OXSM: variants seen among roughly 807,000 people sequenced by gnomAD.
OXSM encodes 3-oxoacyl-[acyl-carrier-protein] synthase, mitochondrial.
OXSM carries 19 observed loss-of-function variants against 29.2 expected under a neutral mutation model. That is an observed-to-expected ratio of 0.65 (90% CI 0.45 to 0.96). OXSM has a LOEUF of 0.96. Ranked by LOEUF, OXSM falls within the 40% of genes least tolerant of loss-of-function variation. OXSM has a pLI of 0.00. For synonymous variants in OXSM, 178 were observed against 197.1 expected (o/e 0.90, Z 0.81); for missense variants, 554 against 551.3 (o/e 1.00, Z -0.05).
rs972103445 is a variant in OXSM, at chr3:25,794,494, G to A, written c.1380G>A (p.Ter460=). Residue 460 remains the stop codon, a stop_retained_variant, in exon 3 of 3, where the codon TAG becomes TAA. Transcript: ENST00000280701. ...TNATLCIAGL[*] ...CAACACTTTGTATTGCTGGACTGTA[G>A]AACATATAATTTGTAATTAAATACT... is the stretch of plus-strand genomic sequence containing the variant. 3 of 1,573,166 alleles carry A rather than the reference G, an allele frequency of 1.9e-6. No individual in the cohort carries two copies. Among genetic ancestry groups the A allele is most frequent in the Non-Finnish European group, 2.6e-6 (3 of 1,158,692 alleles).
chr3:25,791,232 G>A lies in OXSM; in HGVS notation c.212G>A (p.Ser71Asn). ...TGGGATCGTCTTATCGGAGGAGAGAGTGGAATTGTTTCACTGGTTGGTGAA... is the reference window on the plus strand; with the variant it reads ...TGGGATCGTCTTATCGGAGGAGAGAATGGAATTGTTTCACTGGTTGGTGAA... ...LVWDRLIGGE[S>N]GIVSLVGEEY... is the part of the protein sequence containing the mutation. Residue 71 changes from serine (S) to asparagine (N), a missense_variant, in exon 2 of 3, where the codon AGT (serine) becomes AAT (asparagine). Physicochemically the swap from Ser to Asn is conservative, Grantham distance 46 (BLOSUM62 1). Transcript: ENST00000280701. The A allele has an allele frequency of 6.2e-7, 1 of 1,614,228 alleles. No individual in the cohort carries two copies. The highest frequency in any genetic ancestry group is 1.1e-5 in the South Asian group (1 of 91,084).
chr3:25,794,465 A>G lies in OXSM; in HGVS notation c.1351A>G (p.Asn451Asp). Residue 451 changes from asparagine (N) to aspartate (D), a missense_variant, in exon 3 of 3, where the codon AAT becomes GAT. Physicochemically the swap from Asn to Asp is conservative, Grantham distance 23. Transcript: ENST00000280701. Reference sequence around the variant, plus strand: ...CAATTCCTTTGGTTTTGGTGGTACTAATGCAACACTTTGTATTGCTGGACT... The same window carrying G: ...CAATTCCTTTGGTTTTGGTGGTACTGATGCAACACTTTGTATTGCTGGACT... ...LTNSFGFGGT[N>D]ATLCIAGL The G allele has an allele frequency of 6.2e-7, 1 of 1,612,044 alleles. No homozygotes were observed. The highest frequency in any genetic ancestry group is 1.1e-5 in the South Asian group (1 of 90,852).
chr3:25,793,395 A>T (rs531996596), intron 2 of OXSM, among the ~76,000 whole-genome samples: 1 of 152,294 alleles, frequency 6.6e-6, no homozygotes, highest in Admixed American at 6.5e-5. Flanking sequence ...CTTTCAGCAT[A>T]CTTCAAATTA....
chr3:25,790,879 T>G, intron 1 of OXSM, 111 bp from the exon 2 acceptor site: 1 of 695,280 alleles, frequency 1.4e-6, no homozygotes. Context: ...ATTTTCCCTG[T>G]GTTCATTAGC....
In OXSM at chr3:25,791,393, GC is replaced by G; in HGVS notation, c.374del (p.Ala125ValfsTer4). 1.2e-6 allele frequency: 2 copies of G among 1,614,196 alleles called. No homozygotes were observed. Among genetic ancestry groups the G allele is most frequent in the East Asian group, 4.5e-5 (2 of 44,884 alleles). On this transcript the variant is annotated frameshift_variant, in exon 2 of 3. Coordinates refer to ENST00000280701, the MANE Select transcript of OXSM (RefSeq NM_017897.3). LOFTEE classifies it high-confidence loss of function. ...MSSPTIMAIG[A>X]AELAMKDSGW... is the part of the protein sequence containing the mutation. ...TTCTCCCACCATCATGGCCATTGGG[GC>G]TGCAGAATTAGCCATGAAGGATTCT...
chr3:25,790,726 C>T, intron 1 of OXSM: 1 of 296,880 alleles, frequency 3.4e-6, no homozygotes, highest in Non-Finnish European at 6.3e-6. Context: ...TTATATTTTT[C>T]ATTGAATTAC....
Position 25,791,487 on chromosome 3 carries a change from C to G in OXSM, c.467C>G (p.Pro156Arg), listed in dbSNP as rs201522040. The change falls in exon 2 of 3, where the codon CCT becomes CGT. Residue 156 changes from proline to arginine, a missense_variant. By Grantham distance (103) the Pro-to-Arg change is moderately radical. Transcript: ENST00000280701. ...GTTGCAATTGGCATGGGAATGATTC[C>G]TCTTGAAGTTGTTTCTGAAACTGCT... is the stretch of plus-strand genomic sequence containing the variant. ...TGVAIGMGMI[P>R]LEVVSETALN... 8 of 1,614,174 alleles carry G rather than the reference C, an allele frequency of 5.0e-6. No individual in the cohort carries two copies. In the East Asian group the frequency reaches 1.8e-4, roughly 36 times the overall value.
At chr3:25,790,426 G>A (rs898284001) in intron 1 of OXSM, 17 of 163,400 alleles carry the variant, frequency 1.0e-4, no homozygotes, top group African/African-American at 3.6e-4. Context: ...GAGAAGTTTA[G>A]AGGAGTGGAA....
At position 25,791,642 on chromosome 3, in the gene OXSM, G is replaced by A. The variant is rs1299379830; in HGVS notation, c.622G>A (p.Ala208Thr). 1.2e-6 allele frequency: 2 copies of A among 1,614,094 alleles called. No homozygotes were observed. Among genetic ancestry groups the A allele is most frequent in the African/African-American group, 2.7e-5 (2 of 74,934 alleles). ...GGGCCCAAATCATGCAGTATCCACA[G>A]CCTGTACCACAGGAGCTCATGCTGT... ...LKGPNHAVSTACTTGAHAVGD... is the reference protein window; with the variant it reads ...LKGPNHAVSTTCTTGAHAVGD... The change falls in exon 2 of 3, where the codon GCC becomes ACC. Residue 208 changes from alanine to threonine, a missense_variant. Transcript: ENST00000280701.
intron 2 of OXSM, among the ~76,000 whole-genome samples, chr3:25,792,534 C>CTCTCTGT (rs1336899530): frequency 6.6e-6 from 1 of 151,930 alleles, no homozygotes; most frequent in Non-Finnish European, 1.5e-5. Context: ...CTGTATTGCC[C>CTCTCTGT]ATGCTGGTCT....
rs750059144 is a variant in OXSM at position 25,791,078 on chromosome 3, A to G, written c.58A>G (p.Arg20Gly). ...KITSTRLLCS[R>G]LCQQLRSKRK... The stretch of plus-strand genomic sequence containing the variant: ...TACAAGCACTCGTCTTCTATGTTCA[A>G]GATTATGCCAACAGTTAAGAAGTAA... Residue 20 changes from arginine to glycine, a missense_variant, in exon 2 of 3, where the codon AGA becomes GGA. Arg to Gly is a moderately radical substitution (Grantham distance 125). Transcript: ENST00000280701. The G allele has an allele frequency of 1.9e-6, 3 of 1,614,130 alleles. No homozygotes were observed. Among genetic ancestry groups the G allele is most frequent in the Admixed American group, 3.3e-5 (2 of 60,030 alleles).
rs767733189 is a variant in OXSM at position 25,791,319 on chromosome 3, A to G, written c.299A>G (p.Gln100Arg). ...AYVPRGSDEG[Q>R]FNEQNFVSKS... is the part of the protein sequence containing the mutation. ...GTGCCAAGAGGTAGTGATGAAGGTC[A>G]GTTCAATGAACAAAACTTTGTGTCC... Residue 100 changes from glutamine (Q) to arginine (R), a missense_variant, in exon 2 of 3, where the codon CAG (glutamine) becomes CGG (arginine). Physicochemically the swap from Gln to Arg is conservative, Grantham distance 43. Coordinates refer to ENST00000280701, the MANE Select transcript of OXSM (RefSeq NM_017897.3). 5 of 1,614,150 alleles carry G rather than the reference A, an allele frequency of 3.1e-6. No homozygotes were observed. The highest frequency in any genetic ancestry group is 4.5e-5 in the East Asian group (2 of 44,884).
chr3:25,791,744 C>G lies in OXSM; in HGVS notation c.724C>G (p.Pro242Ala), dbSNP rs377136385. The change falls in exon 2 of 3, where the codon CCT becomes GCT. Residue 242 changes from proline (P) to alanine (A), a missense_variant. Physicochemically the swap from Pro to Ala is conservative, Grantham distance 27. Transcript: ENST00000280701. ...VAGGTDSCIS[P>A]LSLAGFSRAR... ...TGGAGGTACAGATTCTTGTATTAGC[C>G]CTTTATCTCTTGCTGGGTTTTCCAG... is the stretch of plus-strand genomic sequence containing the variant. 3.1e-6 allele frequency: 5 copies of G among 1,614,070 alleles called. No individual in the cohort carries two copies.
Position 25,791,396 on chromosome 3 carries a change from G to A in OXSM, c.376G>A (p.Ala126Thr). ...SSPTIMAIGA[A>T]ELAMKDSGWH... The stretch of plus-strand genomic sequence containing the variant: ...TCCCACCATCATGGCCATTGGGGCT[G>A]CAGAATTAGCCATGAAGGATTCTGG... The change falls in exon 2 of 3, where the codon GCA (alanine) becomes ACA (threonine). Residue 126 changes from alanine (A) to threonine (T), a missense_variant. By Grantham distance (58) the Ala-to-Thr change is moderately conservative (BLOSUM62 0). Transcript: ENST00000280701. 6 of 1,614,190 alleles carry A rather than the reference G, an allele frequency of 3.7e-6. No individual in the cohort carries two copies. Among genetic ancestry groups the A allele is most frequent in the Non-Finnish European group, 5.1e-6 (6 of 1,180,020 alleles).
rs1477726228 is a variant in OXSM, at chr3:25,790,137, C to G, written c.-42C>G. 2 of 511,748 alleles carry G rather than the reference C, an allele frequency of 3.9e-6. No homozygotes were observed. Among genetic ancestry groups the G allele is most frequent in the Admixed American group, 3.7e-5 (1 of 27,028 alleles). 31.7% of individuals were successfully genotyped at this position (511,748 alleles called of 1,614,324 possible). The stretch of plus-strand genomic sequence containing the variant: ...GACTGTGGAGAAGTGTCCGGGGTAG[C>G]CCCGTTACAGGTATCGCTGGCTACC... On this transcript the variant is annotated 5_prime_UTR_variant, in exon 1 of 3. Transcript: ENST00000280701.
rs1708736371 is a variant in OXSM at position 25,791,153 on chromosome 3, GTCATTACAGGCATTGGCTTAGTGAC to G, written c.136_160del (p.Ile46LeufsTer75). On this transcript the variant is annotated frameshift_variant, in exon 2 of 3. Transcript: ENST00000280701. LOFTEE classifies it high-confidence loss of function. ...AATATCCAGATTGCATAGGCGAGTT[GTCATTACAGGCATTGGCTTAGTGAC>G]TCCTCTTGGTGTTGGAACTCACCTG... 6.2e-7 allele frequency: 1 copy of G among 1,614,122 alleles called. No individual in the cohort carries two copies. The highest frequency in any genetic ancestry group is 8.5e-7 in the Non-Finnish European group (1 of 1,180,048).
chr3:25,793,422 T>C (rs552168477), intron 2 of OXSM, among the ~76,000 whole-genome samples: 1 of 152,318 alleles, frequency 6.6e-6, no homozygotes, highest in African/African-American at 2.4e-5. Context: ...GAGCTGGCTG[T>C]TAAGAAATAT....
chr3:25,794,345 T>G lies in OXSM; in HGVS notation c.1231T>G (p.Leu411Val). Reference sequence around the variant, plus strand: ...TTATTATCAAAAACTACCACCTACTTTAAACCTGGATTGTTCGGAACCAGA... The same window carrying G: ...TTATTATCAAAAACTACCACCTACTGTAAACCTGGATTGTTCGGAACCAGA... ...ACYYQKLPPT[L>V]NLDCSEPEFD... The change falls in exon 3 of 3, where the codon TTA (leucine) becomes GTA (valine). Residue 411 changes from leucine (L) to valine (V), a missense_variant. Physicochemically the swap from Leu to Val is conservative, Grantham distance 32. Transcript: ENST00000280701. 6.2e-7 allele frequency: 1 copy of G among 1,614,210 alleles called. No homozygotes were observed. Among genetic ancestry groups the G allele is most frequent in the Non-Finnish European group, 8.5e-7 (1 of 1,180,038 alleles).
In OXSM at chr3:25,791,356, C is replaced by G; in HGVS notation, c.336C>G (p.Ile112Met). 1 of 1,614,070 alleles carries G rather than the reference C, an allele frequency of 6.2e-7. No individual in the cohort carries two copies. Among genetic ancestry groups the G allele is most frequent in the Non-Finnish European group, 8.5e-7 (1 of 1,179,974 alleles). The part of the protein sequence containing the change: ...NEQNFVSKSD[I>M]KSMSSPTIMA... ...AAAACTTTGTGTCCAAATCAGATATCAAGTCCATGTCTTCTCCCACCATCA... is the reference window on the plus strand; with the variant it reads ...AAAACTTTGTGTCCAAATCAGATATGAAGTCCATGTCTTCTCCCACCATCA... Residue 112 changes from isoleucine (I) to methionine (M), a missense_variant, in exon 2 of 3, where the codon ATC (isoleucine) becomes ATG (methionine). Physicochemically the swap from Ile to Met is conservative, Grantham distance 10. Coordinates refer to ENST00000280701, the MANE Select transcript of OXSM (RefSeq NM_017897.3).
Sources: gnomAD v4.1 joint callset for allele counts (sites outside exome capture counted in the v4.1 genomes callset) on GRCh38, gnomAD v4.1.1 for gene constraint, MANE v1.5 for transcripts, NCBI Gene and HGNC (gene_info 2026-07-23, HGNC 2026-07-21) for gene names.